The following COX16 variants were observed in gnomAD, a reference collection of about 807,000 sequenced individuals.
COX16 encodes the protein cytochrome c oxidase assembly protein COX16 homolog, mitochondrial.
A neutral mutation model predicts 15.4 loss-of-function variants in COX16; 12 were observed. The ratio of observed to expected loss-of-function variants is 0.78; its 90% CI spans 0.50 to 1.26. The LOEUF (loss-of-function observed/expected upper bound fraction) is 1.26. Ranked by LOEUF, COX16 falls within the 50% of genes most tolerant of loss-of-function variation. The pLI, the probability that COX16 is intolerant of heterozygous loss-of-function variation, is 0.00. For synonymous variants in COX16, 46 were observed against 41.1 expected (o/e 1.12, Z -0.46); for missense variants, 124 against 127.6 (o/e 0.97, Z 0.14).
intron 1 of COX16, among the ~76,000 whole-genome samples, chr14:70,355,603 C>A (rs1887101109): frequency 6.6e-6 from 1 of 152,164 alleles, no homozygotes; most frequent in South Asian, 2.1e-4. Context: ...TTATAGTAGG[C>A]TACTGCCTAC....
At chr14:70,351,541 C>T (rs2332363) in intron 1 of COX16, among the ~76,000 whole-genome samples, 108,944 of 152,094 alleles carry the variant, frequency 0.72, 39,314 homozygotes, top group East Asian at 0.93. Flanking sequence ...TTCTTCTTTA[C>T]TTTACCATCT....
rs888283163 is a variant in COX16 at position 70,325,669 on chromosome 14, T to C, written c.*664A>G. Reference sequence around the variant, plus strand: ...TATTATCTTAGTATTTCTCAAAATGTAGTCATCTATGGATTTACTGAACAA... The same window carrying C: ...TATTATCTTAGTATTTCTCAAAATGCAGTCATCTATGGATTTACTGAACAA... On this transcript the variant is annotated 3_prime_UTR_variant, in exon 4 of 4. Coordinates refer to ENST00000389912, the MANE Select transcript of COX16 (RefSeq NM_016468.7). The C allele has an allele frequency of 6.9e-6, 1 of 145,766 alleles. No homozygotes were observed. Among genetic ancestry groups the C allele is most frequent in the African/African-American group, 2.5e-5 (1 of 39,814 alleles). 9.0% of individuals were successfully genotyped at this position (145,766 alleles called of 1,614,324 possible).
At chr14:70,352,690 G>A (rs7152300) in intron 1 of COX16, among the ~76,000 whole-genome samples, 92,258 of 131,810 alleles carry the variant, frequency 0.7, 32,388 homozygotes, top group East Asian at 0.93. Context: ...CTGTCACTCA[G>A]GCTGGAGTGC....
chr14:70,328,745 G>A (rs575270313), intron 3 of COX16, among the ~76,000 whole-genome samples: 6 of 152,186 alleles, frequency 3.9e-5, no homozygotes, highest in Non-Finnish European at 7.4e-5. Context: ...AAATTAATGT[G>A]CCATGATAAG....
intron 3 of COX16, among the ~76,000 whole-genome samples, chr14:70,327,365 G>A (rs1886115759): frequency 1.3e-5 from 2 of 151,890 alleles, no homozygotes; most frequent in South Asian, 2.1e-4. Context: ...AGAGTCTTCA[G>A]CTCTCAAATT....
At chr14:70,359,188 G>C in intron 1 of COX16, 1 of 482,204 alleles carries the variant, frequency 2.1e-6, no homozygotes, top group Non-Finnish European at 4.1e-6. Context: ...GTGTGGTTCT[G>C]ACTGAATTCT....
At position 70,359,472 on chromosome 14, in the gene COX16, G is replaced by C. The variant is rs555416181; in HGVS notation, c.69+47C>G. 2.6e-6 allele frequency: 4 copies of C among 1,528,176 alleles called. No homozygotes were observed. The South Asian group carries it at 4.5e-5, about 17-fold the overall frequency. 94.7% of individuals were successfully genotyped at this position (1,528,176 alleles called of 1,614,324 possible). A position where few individuals can be genotyped will look rare whatever the true frequency, so the allele number is the denominator to read the frequency against. ...CCCTCCCAGGTCTTGATCCTGCCAA[G>C]GAGGAGGGTCCCACCCCTTGCGGAA... On this transcript the variant is annotated intron_variant, in intron 1 of 3. Coordinates refer to ENST00000389912, the MANE Select transcript of COX16 (RefSeq NM_016468.7).
chr14:70,337,373 A>G (rs562895179), intron 2 of COX16, among the ~76,000 whole-genome samples: 16 of 152,236 alleles, frequency 1.1e-4, no homozygotes, highest in African/African-American at 3.1e-4. Context: ...ATAGTGAAGA[A>G]ACAGAGAGGA....
chr14:70,358,528 G>C lies in COX16; in HGVS notation c.69+991C>G, dbSNP rs971066970. 2.6e-5 allele frequency among the ~76,000 whole-genome samples: 4 copies of C among 151,412 alleles called. No individual in the cohort carries two copies. In the South Asian group the frequency reaches 8.4e-4, roughly 32 times the overall value. Reference sequence around the variant, plus strand: ...GATACTTCAAATGGGTGAATCTTTTGGAGATTCCTAAAATCCACATTTGAT... The same window carrying C: ...GATACTTCAAATGGGTGAATCTTTTCGAGATTCCTAAAATCCACATTTGAT... On this transcript the variant is annotated intron_variant, in intron 1 of 3. Transcript: ENST00000389912.
intron 1 of COX16, among the ~76,000 whole-genome samples, chr14:70,352,112 A>G (rs995292534): frequency 1.3e-5 from 2 of 152,214 alleles, no homozygotes; most frequent in Non-Finnish European, 2.9e-5. Flanking sequence ...TTTATTTAAG[A>G]AGTGAAGATG....
intron 1 of COX16, among the ~76,000 whole-genome samples, chr14:70,346,414 T>C (rs1886783535): frequency 6.6e-6 from 1 of 152,288 alleles, no homozygotes; most frequent in Admixed American, 6.5e-5. Flanking sequence ...AGTGCGGCAA[T>C]GAAGGCCACT....
chr14:70,356,542 A>G (rs1021154219), intron 1 of COX16, among the ~76,000 whole-genome samples: 2 of 152,226 alleles, frequency 1.3e-5, no homozygotes, highest in Admixed American at 6.5e-5. Context: ...AAGGCTATGG[A>G]GAGATGCTAA....
chr14:70,349,442 C>G (rs1408994429), intron 1 of COX16, among the ~76,000 whole-genome samples: 1 of 152,176 alleles, frequency 6.6e-6, no homozygotes, highest in African/African-American at 2.4e-5. Flanking sequence ...CATATAATTC[C>G]CCATTTCGGC....
At chr14:70,344,782 G>C (rs1459394772) in intron 1 of COX16, among the ~76,000 whole-genome samples, 1 of 152,168 alleles carries the variant, frequency 6.6e-6, no homozygotes, top group East Asian at 1.9e-4. Flanking sequence ...CAGGAAGAGA[G>C]CCGGCCGGAA....
intron 1 of COX16, among the ~76,000 whole-genome samples, chr14:70,358,389 T>A (rs1186540167): frequency 1.4e-5 from 2 of 147,816 alleles, no homozygotes; most frequent in East Asian, 1.9e-4. Context: ...TTTTTTTTTT[T>A]TTTTTGGAGA....
Position 70,326,440 on chromosome 14 carries a change from C to A in COX16, c.214G>T (p.Asp72Tyr). 6.3e-7 allele frequency: 1 copy of A among 1,581,464 alleles called. No individual in the cohort carries two copies. The highest frequency in any genetic ancestry group is 1.2e-5 in the South Asian group (1 of 84,436). Residue 72 changes from aspartate to tyrosine, a missense_variant, in exon 4 of 4, where the codon GAC becomes TAC. Transcript: ENST00000389912. ...TTCTTCCAGTCATCAAACTTGGAGT[C>A]TTTGATTTTCTATAGAACCACAAAA... Reference protein sequence around the residue: ...SLESEYEKIKDSKFDDWKNIR... With the variant: ...SLESEYEKIKYSKFDDWKNIR...
chr14:70,351,769 T>C (rs1886963786), intron 1 of COX16, among the ~76,000 whole-genome samples: 1 of 152,242 alleles, frequency 6.6e-6, no homozygotes, highest in Admixed American at 6.5e-5. Flanking sequence ...GAATGATTTC[T>C]GGAATAATGT....
At chr14:70,345,733 A>G (rs1886758499) in intron 1 of COX16, among the ~76,000 whole-genome samples, 1 of 151,778 alleles carries the variant, frequency 6.6e-6, no homozygotes, top group African/African-American at 2.4e-5. Context: ...TCACAACCCA[A>G]CCTCTGCAAT....
intron 2 of COX16, among the ~76,000 whole-genome samples, chr14:70,341,691 TAAAG>T (rs1383002849): frequency 1.3e-5 from 2 of 152,176 alleles, no homozygotes; most frequent in Non-Finnish European, 2.9e-5. Context: ...ACCTGTAAAA[TAAAG>T]ACGATAACAT....
Sources: allele counts gnomAD v4.1 joint callset (sites outside exome capture counted in the v4.1 genomes callset), GRCh38; gene constraint gnomAD v4.1.1; transcripts MANE v1.5; gene names NCBI Gene and HGNC (gene_info 2026-07-23, HGNC 2026-07-21).